STRN3: variants seen among roughly 807,000 people sequenced by gnomAD.
STRN3 encodes striatin 3.
A neutral mutation model predicts 95.6 loss-of-function variants in STRN3; 29 were observed. The observed-to-expected ratio is 0.30, with a 90% confidence interval of 0.23 to 0.41. STRN3 has a LOEUF of 0.41. STRN3 is among the 10% of genes least tolerant of loss of function. STRN3 has a pLI of 1.00. For synonymous variants in STRN3, 331 were observed against 357.6 expected (o/e 0.93, Z 0.84); for missense variants, 890 against 972.1 (o/e 0.92, Z 1.12).
At chr14:30,910,064 C>T (rs1896568017) in intron 13 of STRN3, among the ~76,000 whole-genome samples, 1 of 152,134 alleles carries the variant, frequency 6.6e-6, no homozygotes, top group Admixed American at 6.5e-5. Context: ...ACTCTTCTCG[C>T]CCCCAATTTA....
chr14:30,933,492 C>T (rs1594457533), intron 7 of STRN3, among the ~76,000 whole-genome samples: 1 of 151,684 alleles, frequency 6.6e-6, no homozygotes, highest in African/African-American at 2.4e-5. Flanking sequence ...AATTATAAAA[C>T]AATCAGGAAA....
intron 9 of STRN3, among the ~76,000 whole-genome samples, chr14:30,913,913 T>G (rs986297276): frequency 6.6e-6 from 1 of 150,662 alleles, no homozygotes; most frequent in African/African-American, 2.4e-5. Context: ...ACAAAAGCTT[T>G]GTCTGTCTAA....
chr14:30,936,514 T>A lies in STRN3; in HGVS notation c.827A>T (p.His276Leu). ...TCCTACTTTATGTTTATTCATCCGA[T>A]GTTTGTCTTTTCCTTCTGGGATGCC... The part of the protein sequence containing the change: ...IEGIPEGKDK[H>L]RMNKHKIGNE... The change falls in exon 6 of 18, where the codon CAT (histidine) becomes CTT (leucine). Residue 276 changes from histidine to leucine, a missense_variant. By Grantham distance (99) the His-to-Leu change is moderately conservative. Around this residue, in one of 3 missense-constraint regions of STRN3, gnomAD observed 526 missense variants for 526.3 expected, o/e 1.00. Transcript: ENST00000357479. 1 of 1,613,394 alleles carries A rather than the reference T, an allele frequency of 6.2e-7. No individual in the cohort carries two copies. The highest frequency in any genetic ancestry group is 8.5e-7 in the Non-Finnish European group (1 of 1,179,764).
intron 3 of STRN3, among the ~76,000 whole-genome samples, chr14:30,952,154 T>C (rs1163379908): frequency 1.3e-5 from 2 of 151,708 alleles, no homozygotes; most frequent in African/African-American, 2.4e-5. Flanking sequence ...AACAGTATGA[T>C]TTCAGATTAA....
At chr14:30,954,929 A>G (rs1879828639) in intron 3 of STRN3, among the ~76,000 whole-genome samples, 1 of 152,018 alleles carries the variant, frequency 6.6e-6, no homozygotes, top group Non-Finnish European at 1.5e-5. Flanking sequence ...AAAAAAAAAA[A>G]AGCTCTGAAT....
intron 16 of STRN3, among the ~76,000 whole-genome samples, chr14:30,900,454 G>GGT (rs965535439): frequency 5.4e-5 from 8 of 148,738 alleles, no homozygotes; most frequent in East Asian, 2.0e-4. Flanking sequence ...GGGGGGGGGC[G>GGT]GTGTGTGTGT....
At chr14:30,918,829 A>G in intron 9 of STRN3, 137 bp downstream of exon 9, 4 of 852,650 alleles carry the variant, frequency 4.7e-6, no homozygotes, top group Non-Finnish European at 6.6e-6. Context: ...TTACATCAAG[A>G]GCTTGCCCAA....
At position 30,942,693 on chromosome 14, in the gene STRN3, T is replaced by C. The variant is rs114368661; in HGVS notation, c.716+4397A>G. On this transcript the variant is annotated intron_variant, in intron 5 of 17. Transcript: ENST00000357479. ...ATAAAGTAGATGCTTTGTGATATGA[T>C]GCACTATACAACCACAACCATACCC... Among the ~76,000 whole-genome samples the C allele has an allele frequency of 9.4e-3, 1,436 of 152,258 alleles. 27 individuals carry two copies. The highest frequency in any genetic ancestry group is 0.031 in the African/African-American group (1,297 of 41,552).
chr14:30,911,739 TG>T, intron 12 of STRN3, 37 bp downstream of exon 12: 1 of 1,534,644 alleles, frequency 6.5e-7, no homozygotes, highest in South Asian at 1.2e-5. Flanking sequence ...TTAACAATAA[TG>T]ATGATGTTAA....
rs1191963792 is a variant in STRN3, at chr14:30,929,954, C to CAAAAAAAAAAAAAAAAAAAAA, written c.989-664_989-644dup. On this transcript the variant is annotated intron_variant, in intron 7 of 17. Coordinates refer to ENST00000357479, the MANE Select transcript of STRN3 (RefSeq NM_001083893.2). ...TCCATTGGTCTACAACTAAGATTAG[C>CAAAAAAAAAAAAAAAAAAAAA]AAAAAAAAAAAAAAAAAAAAAAAAA... Among the ~76,000 whole-genome samples, 27 of 39,996 alleles carry CAAAAAAAAAAAAAAAAAAAAA rather than the reference C, an allele frequency of 6.8e-4. 4 individuals are homozygous for CAAAAAAAAAAAAAAAAAAAAA. Among genetic ancestry groups the CAAAAAAAAAAAAAAAAAAAAA allele is most frequent in the African/African-American group, 1.2e-3 (10 of 8,060 alleles). The allele number at this position is 39,996 out of a possible 152,430, so 26.2% of individuals were successfully genotyped here. A position where few individuals can be genotyped will look rare whatever the true frequency, so the allele number is the denominator to read the frequency against.
chr14:30,915,176 A>G (rs1417957512), intron 9 of STRN3, among the ~76,000 whole-genome samples: 1 of 152,226 alleles, frequency 6.6e-6, no homozygotes, highest in Non-Finnish European at 1.5e-5. Flanking sequence ...ATTCCCATGA[A>G]AAATGATATA....
intron 1 of STRN3, among the ~76,000 whole-genome samples, chr14:30,960,353 T>C (rs993116466): frequency 3.3e-4 from 50 of 152,054 alleles, no homozygotes; most frequent in Non-Finnish European, 1.9e-4. Context: ...AATGAGGTGA[T>C]AGAATTTGCT....
At chr14:30,948,145 T>C (rs1194238517) in intron 4 of STRN3, among the ~76,000 whole-genome samples, 1 of 152,198 alleles carries the variant, frequency 6.6e-6, no homozygotes, top group East Asian at 1.9e-4. Flanking sequence ...GTAAGAACTC[T>C]ACACAATTTT....
intron 8 of STRN3, among the ~76,000 whole-genome samples, chr14:30,925,749 A>G (rs1594445979): frequency 1.3e-5 from 2 of 152,212 alleles, no homozygotes; most frequent in African/African-American, 4.8e-5. Flanking sequence ...TTATTATTCA[A>G]TGTTTAAATG....
intron 8 of STRN3, 78 bp downstream of exon 8, chr14:30,929,123 C>A (rs963554919): frequency 1.6e-6 from 2 of 1,234,768 alleles, no homozygotes; most frequent in East Asian, 2.5e-5. Flanking sequence ...AATTAAGTTA[C>A]ACAAAGAAAC....
chr14:30,908,143 G>A lies in STRN3; in HGVS notation c.1721-1099C>T, dbSNP rs1041642252. Among the ~76,000 whole-genome samples, 5 of 149,566 alleles carry A rather than the reference G, an allele frequency of 3.3e-5. No individual in the cohort carries two copies. In the East Asian group the frequency reaches 5.8e-4, roughly 17 times the overall value. ...TAATACCAGATGTCACTAACTTGCT[G>A]TAATGTTTACTGCTTCTCTACTACA... On this transcript the variant is annotated intron_variant, in intron 13 of 17. Coordinates refer to ENST00000357479, the MANE Select transcript of STRN3 (RefSeq NM_001083893.2).
chr14:30,895,764 CAG>C lies in STRN3; in HGVS notation c.2138-18_2138-17del, dbSNP rs1566421825. The C allele has an allele frequency of 1.3e-6, 2 of 1,597,154 alleles. No homozygotes were observed. Among genetic ancestry groups the C allele is most frequent in the African/African-American group, 1.3e-5 (1 of 74,102 alleles). On this transcript the variant is annotated splice_polypyrimidine_tract_variant and intron_variant, in intron 16 of 17. Coordinates refer to ENST00000357479, the MANE Select transcript of STRN3 (RefSeq NM_001083893.2). ...ATCATTTTACCTAAACAAAACATAA[CAG>C]AGAACTGATTAAGTTTTCACAAATA...
In STRN3 at chr14:30,981,606, A is replaced by ACACACCCC. The variant is rs1491272307; in HGVS notation, c.283-25365_283-25364insGGGGTGTG. Among the ~76,000 whole-genome samples the ACACACCCC allele has an allele frequency of 3.4e-5, 5 of 148,600 alleles. No individual in the cohort carries two copies. The East Asian group carries it at 5.9e-4, about 17-fold the overall frequency. The stretch of plus-strand genomic sequence containing the variant: ...CACACACACACACACACACACACAC[A>ACACACCCC]CCCCATAATTCAGTGTGCTAAAGCA... On this transcript the variant is annotated intron_variant, in intron 1 of 17. Transcript: ENST00000357479.
intron 1 of STRN3, among the ~76,000 whole-genome samples, chr14:30,961,215 T>C (rs578116959): frequency 6.6e-6 from 1 of 152,142 alleles, no homozygotes; most frequent in Admixed American, 6.5e-5. Context: ...AAACAAAGAA[T>C]AGGCAACACA....
Sources: gnomAD v4.1 joint callset for allele counts (sites outside exome capture counted in the v4.1 genomes callset) on GRCh38, gnomAD v4.1.1 for gene constraint, gnomAD v4.1.1 regional missense constraint, MANE v1.5 for transcripts, NCBI Gene and HGNC (gene_info 2026-07-23, HGNC 2026-07-21) for gene names.